The following ITSN1 variants were observed in gnomAD, a reference collection of about 807,000 sequenced individuals.
ITSN1 encodes the protein intersectin-1.
A neutral mutation model predicts 239.8 loss-of-function variants in ITSN1; 58 were observed. That is an observed-to-expected ratio of 0.24 (90% confidence interval 0.20 to 0.30). ITSN1 has a LOEUF of 0.30. Among genes scored for constraint, ITSN1 ranks in the 10% least tolerant of loss-of-function variants. The pLI, the probability that ITSN1 is intolerant of heterozygous loss-of-function variation, is 1.00. For synonymous variants in ITSN1, 780 were observed against 770.8 expected (o/e 1.01, Z -0.20); for missense variants, 1,558 against 2,103.3 (o/e 0.74, Z 5.07).
At chr21:33,654,270 G>A (rs908909743) in intron 1 of ITSN1, among the ~76,000 whole-genome samples, 3 of 147,420 alleles carry the variant, frequency 2.0e-5, no homozygotes, top group Non-Finnish European at 4.5e-5. Context: ...TGCCTAGGCT[G>A]GTCATGAACT....
intron 28 of ITSN1, 119 bp from the exon 29 acceptor site, chr21:33,836,322 A>C (rs1342574963): frequency 1.6e-6 from 1 of 639,962 alleles, no homozygotes; most frequent in Non-Finnish European, 2.5e-6. Flanking sequence ...AGTTCCACCT[A>C]CTGTCACCCT....
intron 1 of ITSN1, among the ~76,000 whole-genome samples, chr21:33,696,162 A>G (rs1363968787): frequency 6.6e-6 from 1 of 152,074 alleles, no homozygotes; most frequent in Non-Finnish European, 1.5e-5. Context: ...GTGACTTTTC[A>G]TTGATGTTGC....
At position 33,750,297 on chromosome 21, in the gene ITSN1, A is replaced by T. The variant is rs765244876; in HGVS notation, c.501A>T (p.Gln167His). 8 of 1,613,370 alleles carry T rather than the reference A, an allele frequency of 5.0e-6. No individual in the cohort carries two copies. In the South Asian group the frequency reaches 7.7e-5, roughly 16 times the overall value. Residue 167 changes from glutamine to histidine, a missense_variant, in exon 6 of 40, where the codon CAA becomes CAT. Transcript: ENST00000381318. Reference protein sequence around the residue: ...PLANGAPPVIQPLPAFAHPAA... With the variant: ...PLANGAPPVIHPLPAFAHPAA... ...CTAACGGGGCTCCCCCTGTTATACA[A>T]CCTCTGCCTGCATTTGCTCATCCTG...
chr21:33,674,528 T>C (rs1045242939), intron 1 of ITSN1, among the ~76,000 whole-genome samples: 4 of 151,952 alleles, frequency 2.6e-5, no homozygotes, highest in African/African-American at 9.7e-5. Context: ...AAAATAATAA[T>C]ATGGAGGGGA....
At chr21:33,833,897 T>G (rs983302604) in intron 27 of ITSN1, among the ~76,000 whole-genome samples, 3 of 150,648 alleles carry the variant, frequency 2.0e-5, no homozygotes, top group African/African-American at 4.9e-5. Context: ...AAAGAAGTAC[T>G]CAGTGTGTAT....
At chr21:33,759,854 CT>C (rs1223359173) in intron 8 of ITSN1, among the ~76,000 whole-genome samples, 1 of 152,122 alleles carries the variant, frequency 6.6e-6, no homozygotes, top group Non-Finnish European at 1.5e-5. Context: ...AATCCCAGCA[CT>C]TTGGGAGGCC....
chr21:33,821,698 G>T (rs2073686805), intron 24 of ITSN1, among the ~76,000 whole-genome samples: 1 of 152,106 alleles, frequency 6.6e-6, no homozygotes, highest in Admixed American at 6.5e-5. Context: ...ATTTTATACT[G>T]CAATACCAAG....
chr21:33,890,131 G>T lies in ITSN1; in HGVS notation c.*1831G>T, dbSNP rs2148580683. The T allele has an allele frequency of 6.6e-6, 1 of 152,260 alleles. No individual in the cohort carries two copies. The highest frequency in any genetic ancestry group is 6.5e-5 in the Admixed American group (1 of 15,296). The allele number at this position is 152,260 out of a possible 1,614,324, so 9.4% of individuals were successfully genotyped here. On this transcript the variant is annotated 3_prime_UTR_variant, in exon 40 of 40. Transcript: ENST00000381318. Reference sequence around the variant, plus strand: ...AAAATACTTTAAGTTTATATTTTTTGATGTTGTTAAGAAACTTTTAAATTA... The same window carrying T: ...AAAATACTTTAAGTTTATATTTTTTTATGTTGTTAAGAAACTTTTAAATTA...
intron 3 of ITSN1, 43 bp from the exon 4 acceptor site, chr21:33,722,541 GTTGT>G: frequency 2.1e-6 from 3 of 1,459,438 alleles, no homozygotes; most frequent in East Asian, 2.5e-5. Flanking sequence ...TCTGTCAGCT[GTTGT>G]TTTTTTTTTT....
intron 29 of ITSN1, among the ~76,000 whole-genome samples, chr21:33,840,372 ATT>A (rs3216561): frequency 2.0e-5 from 3 of 147,858 alleles, no homozygotes; most frequent in African/African-American, 7.4e-5. Flanking sequence ...TTGTTTTTTA[ATT>A]TTTTTTTTTG....
rs1986345727 is a variant in ITSN1 at position 33,891,275 on chromosome 21, T to C, written c.*2975T>C. 1 of 152,160 alleles carries C rather than the reference T, an allele frequency of 6.6e-6. No homozygotes were observed. Among genetic ancestry groups the C allele is most frequent in the Admixed American group, 6.5e-5 (1 of 15,280 alleles). The allele number at this position is 152,160 out of a possible 1,614,324, so 9.4% of individuals were successfully genotyped here. On this transcript the variant is annotated 3_prime_UTR_variant, in exon 40 of 40. Coordinates refer to ENST00000381318, the MANE Select transcript of ITSN1 (RefSeq NM_003024.3). ...GAGAAACTAGAGCCAGACTTCCTTG[T>C]TTGTTTGGATAATATGTCCCTGTCC...
intron 1 of ITSN1, among the ~76,000 whole-genome samples, chr21:33,694,022 A>G (rs1209584399): frequency 6.6e-6 from 1 of 152,146 alleles, no homozygotes; most frequent in Admixed American, 6.6e-5. Flanking sequence ...ATATGGATAT[A>G]TCTTTTTTGG....
intron 1 of ITSN1, among the ~76,000 whole-genome samples, chr21:33,667,696 G>A (rs1041839587): frequency 3.3e-5 from 5 of 152,186 alleles, no homozygotes; most frequent in African/African-American, 1.2e-4. Flanking sequence ...TCTGTGGTCC[G>A]ACGGCTAGTA....
rs1981376978 is a variant in ITSN1, at chr21:33,865,360, T to G, written c.4074+26T>G. The G allele has an allele frequency of 1.3e-6, 2 of 1,499,020 alleles. No individual in the cohort carries two copies. The highest frequency in any genetic ancestry group is 4.6e-5 in the Admixed American group (2 of 43,348). 92.9% of individuals were successfully genotyped at this position (1,499,020 alleles called of 1,614,324 possible). On this transcript the variant is annotated intron_variant, in intron 32 of 39. Coordinates refer to ENST00000381318, the MANE Select transcript of ITSN1 (RefSeq NM_003024.3). This position sits in a 1 kb window ranked among gnomAD's most constrained non-coding sequence, Gnocchi z 4.4. Reference sequence around the variant, plus strand: ...GTAAGGAGCCAGGCTGTGCAGAGACTGGGCCCCAGAGTGGCGATCTTTGGG... The same window carrying G: ...GTAAGGAGCCAGGCTGTGCAGAGACGGGGCCCCAGAGTGGCGATCTTTGGG...
In ITSN1 at chr21:33,774,809, CAAAG is replaced by C. The variant is rs2147816344; in HGVS notation, c.1389_1392del (p.Lys463AsnfsTer5). On this transcript the variant is annotated frameshift_variant, in exon 13 of 40. Coordinates refer to ENST00000381318, the MANE Select transcript of ITSN1 (RefSeq NM_003024.3). LOFTEE classifies it high-confidence loss of function. ...GGCAAGAACTACTAAATCAAAGAAA[CAAAG>C]AACAAGAGGACATAGTTGTACTGAA... The C allele has an allele frequency of 6.2e-7, 1 of 1,613,730 alleles. No homozygotes were observed. The highest frequency in any genetic ancestry group is 8.5e-7 in the Non-Finnish European group (1 of 1,179,826).
chr21:33,780,689 A>AT (rs1037024365), intron 14 of ITSN1, among the ~76,000 whole-genome samples: 4 of 152,190 alleles, frequency 2.6e-5, no homozygotes, highest in Non-Finnish European at 5.9e-5. Context: ...CATAGAGCTC[A>AT]TTTTTTATCA....
At chr21:33,683,035 T>C (rs200943272) in intron 1 of ITSN1, among the ~76,000 whole-genome samples, 1 of 152,138 alleles carries the variant, frequency 6.6e-6, no homozygotes, top group Non-Finnish European at 1.5e-5. Context: ...ATATGAACTA[T>C]TTACTTAACC....
chr21:33,854,514 T>C (rs529519340), intron 29 of ITSN1, among the ~76,000 whole-genome samples: 1 of 152,282 alleles, frequency 6.6e-6, no homozygotes, highest in South Asian at 2.1e-4. Flanking sequence ...AGGAACAAGA[T>C]ATGTTTCCCC....
rs1428540405 is a variant in ITSN1 at position 33,895,180 on chromosome 21, G to A, written c.*6880G>A. On this transcript the variant is annotated 3_prime_UTR_variant, in exon 40 of 40. Coordinates refer to ENST00000381318, the MANE Select transcript of ITSN1 (RefSeq NM_003024.3). Reference sequence around the variant, plus strand: ...CTGCCGCTGAGGCTGGGGCTGCACGGAGGTCCTCAGGCTTCCCACCCTTTC... The same window carrying A: ...CTGCCGCTGAGGCTGGGGCTGCACGAAGGTCCTCAGGCTTCCCACCCTTTC... 6.6e-6 allele frequency: 1 copy of A among 152,272 alleles called. No homozygotes were observed. The highest frequency in any genetic ancestry group is 1.9e-4 in the East Asian group (1 of 5,198). The allele number at this position is 152,272 out of a possible 1,614,324, so 9.4% of individuals were successfully genotyped here.
Sources: gnomAD v4.1 joint callset for allele counts (sites outside exome capture counted in the v4.1 genomes callset) on GRCh38, gnomAD v4.1.1 for gene constraint, Gnocchi (gnomAD v3.1) non-coding constraint, MANE v1.5 for transcripts, NCBI Gene and HGNC (gene_info 2026-07-23, HGNC 2026-07-21) for gene names.